Variants in TMEM87A observed in about 807,000 individuals in gnomAD.
TMEM87A encodes Golgi-pH regulating cation channel.
TMEM87A carries 50 observed loss-of-function variants against 90.0 expected under a neutral mutation model. The ratio of observed to expected loss-of-function variants is 0.56; its 90% CI spans 0.44 to 0.70. TMEM87A has a LOEUF of 0.70. Ranked by LOEUF, TMEM87A falls within the 30% of genes least tolerant of loss-of-function variation. The pLI is 0.00. For missense variants in TMEM87A, 577 were observed against 660.5 expected, an observed-to-expected ratio of 0.87 and a Z score of 1.39; for synonymous variants, 226 against 226.7, an observed-to-expected ratio of 1.00 and a Z score of 0.03.
chr15:42,239,381 G>A (rs1011485514), intron 8 of TMEM87A, among the ~76,000 whole-genome samples: 4 of 152,092 alleles, frequency 2.6e-5, no homozygotes, highest in African/African-American at 9.7e-5. Flanking sequence ...CAATAGAGTT[G>A]TAGTAAAAAG....
At chr15:42,253,541 C>A (rs1268988544) in intron 6 of TMEM87A, among the ~76,000 whole-genome samples, 1 of 152,132 alleles carries the variant, frequency 6.6e-6, no homozygotes, top group African/African-American at 2.4e-5. Context: ...CTTCAGGGAG[C>A]CTCCAGGCAG....
At chr15:42,228,307 T>A (rs767561775) in intron 13 of TMEM87A, among the ~76,000 whole-genome samples, 4 of 152,206 alleles carry the variant, frequency 2.6e-5, no homozygotes, top group Non-Finnish European at 4.4e-5. Flanking sequence ...TTTTTACATA[T>A]GCTTGCTGAC....
chr15:42,233,208 C>T lies in TMEM87A; in HGVS notation c.1062+5G>A, dbSNP rs1463021620. The T allele has an allele frequency of 6.2e-7, 1 of 1,609,920 alleles. No homozygotes were observed. Among genetic ancestry groups the T allele is most frequent in the East Asian group, 2.2e-5 (1 of 44,826 alleles). On this transcript the variant is annotated splice_donor_5th_base_variant and intron_variant, in intron 11 of 19. Transcript: ENST00000389834. ...CCACAGAAAATGAGATTAAGCAGTA[C>T]TAACCCCAGTAACTCTGAGGACCCC...
chr15:42,249,623 T>C (rs559256331), intron 6 of TMEM87A, among the ~76,000 whole-genome samples: 4 of 152,376 alleles, frequency 2.6e-5, no homozygotes, highest in Non-Finnish European at 5.9e-5. Flanking sequence ...GAGTTCTAAT[T>C]TGATTGCAAT....
rs2050282492 is a variant in TMEM87A, at chr15:42,211,324, G to A, written c.*384C>T. On this transcript the variant is annotated 3_prime_UTR_variant, in exon 20 of 20. Transcript: ENST00000389834. ...ATAAAAATTACAGGCAGTTGCTCCT[G>A]GAGATTACATATTATGGTGTTGATG... 1 of 161,448 alleles carries A rather than the reference G, an allele frequency of 6.2e-6. No individual in the cohort carries two copies. Among genetic ancestry groups the A allele is most frequent in the African/African-American group, 2.4e-5 (1 of 41,658 alleles). The allele number at this position is 161,448 out of a possible 1,614,324, so 10.0% of individuals were successfully genotyped here.
intron 2 of TMEM87A, among the ~76,000 whole-genome samples, chr15:42,270,489 G>A (rs7169135): frequency 2.5e-4 from 38 of 150,706 alleles, no homozygotes; most frequent in African/African-American, 8.7e-4. Flanking sequence ...CCAGCTACTC[G>A]GGAGGCTGAG....
chr15:42,220,298 A>G (rs577936937), intron 15 of TMEM87A, among the ~76,000 whole-genome samples, 163 bp from the exon 16 acceptor site: 3 of 152,368 alleles, frequency 2.0e-5, no homozygotes, highest in South Asian at 4.1e-4. Flanking sequence ...TTTATTGCCT[A>G]TATTAGCAAG....
Position 42,210,482 on chromosome 15 carries a change from CAGAA to C in TMEM87A, c.*1222_*1225del, listed in dbSNP as rs565040624. 4.1e-4 allele frequency: 62 copies of C among 151,932 alleles called. No individual in the cohort carries two copies. Among genetic ancestry groups the C allele is most frequent in the African/African-American group, 1.1e-3 (45 of 41,426 alleles). 9.4% of individuals were successfully genotyped at this position (151,932 alleles called of 1,614,324 possible). A position where few individuals can be genotyped will look rare whatever the true frequency, so the allele number is the denominator to read the frequency against. On this transcript the variant is annotated 3_prime_UTR_variant, in exon 20 of 20. Transcript: ENST00000389834. ...AGAAAGAAATTTTTCATGAGTTTGA[CAGAA>C]AGAGTCTTTAGAAAAAGTTTGAAAA...
intron 15 of TMEM87A, 96 bp downstream of exon 15, chr15:42,226,710 A>G (rs1484998045): frequency 4.9e-6 from 5 of 1,024,788 alleles, no homozygotes; most frequent in East Asian, 2.4e-5. Flanking sequence ...TCCTTCCACT[A>G]TATGACACAG....
chr15:42,266,371 C>A (rs1413547732), intron 3 of TMEM87A, among the ~76,000 whole-genome samples: 1 of 152,014 alleles, frequency 6.6e-6, no homozygotes, highest in Non-Finnish European at 1.5e-5. Context: ...CAAAAATTAG[C>A]CGGGTGTGGT....
At chr15:42,227,105 C>A (rs1595714102) in intron 14 of TMEM87A, 196 bp from the exon 15 acceptor site, 1 of 555,190 alleles carries the variant, frequency 1.8e-6, no homozygotes, top group East Asian at 3.0e-5. Context: ...GTAGTGCTTA[C>A]TGTTGTTAAA....
At chr15:42,238,177 C>A (rs2050809952) in intron 8 of TMEM87A, among the ~76,000 whole-genome samples, 1 of 152,080 alleles carries the variant, frequency 6.6e-6, no homozygotes, top group Non-Finnish European at 1.5e-5. Flanking sequence ...TAATTCACAC[C>A]TGCAATAGTG....
chr15:42,217,857 A>G (rs759668955), intron 18 of TMEM87A, 24 bp from the exon 19 acceptor site: 3 of 1,610,012 alleles, frequency 1.9e-6, no homozygotes, highest in African/African-American at 2.7e-5. Flanking sequence ...GAAATACTAA[A>G]TTGAACAATG....
intron 6 of TMEM87A, among the ~76,000 whole-genome samples, chr15:42,244,831 G>C (rs1305982439): frequency 6.7e-6 from 1 of 150,098 alleles, no homozygotes; most frequent in Non-Finnish European, 1.5e-5. Context: ...CAATGATAAA[G>C]AGGAACACAG....
intron 3 of TMEM87A, among the ~76,000 whole-genome samples, chr15:42,264,985 G>A (rs2051373930): frequency 6.6e-6 from 1 of 151,992 alleles, no homozygotes; most frequent in African/African-American, 2.4e-5. Flanking sequence ...AGTTTGCTAA[G>A]GTTAATGGCC....
chr15:42,254,401 G>C (rs2051139906), intron 6 of TMEM87A, among the ~76,000 whole-genome samples: 1 of 152,156 alleles, frequency 6.6e-6, no homozygotes, highest in South Asian at 2.1e-4. Flanking sequence ...TAAAAGCCTG[G>C]ACACAAATGT....
At chr15:42,271,673 T>C (rs944861050) in intron 2 of TMEM87A, 1 of 155,316 alleles carries the variant, frequency 6.4e-6, no homozygotes, top group Non-Finnish European at 1.4e-5. Context: ...GTTTTAAGTA[T>C]ACTCTATGAT....
intron 6 of TMEM87A, among the ~76,000 whole-genome samples, chr15:42,256,849 C>T (rs532393026): frequency 1.4e-4 from 22 of 152,186 alleles, no homozygotes; most frequent in African/African-American, 3.9e-4. Context: ...TCCCAAGTAG[C>T]GGGGACTACA....
intron 7 of TMEM87A, among the ~76,000 whole-genome samples, chr15:42,240,500 C>T (rs980883247): frequency 6.6e-6 from 1 of 152,090 alleles, no homozygotes; most frequent in African/African-American, 2.4e-5. Context: ...TTGTTAATAA[C>T]AAAGTGTTTA....
Sources: allele counts gnomAD v4.1 joint callset (sites outside exome capture counted in the v4.1 genomes callset), GRCh38; gene constraint gnomAD v4.1.1; transcripts MANE v1.5; gene names NCBI Gene and HGNC (gene_info 2026-07-23, HGNC 2026-07-21).